Variants in SNRK observed in about 807,000 individuals in gnomAD.
SNRK encodes SNF related kinase.
SNRK carries 3 observed loss-of-function variants against 48.2 expected under a neutral mutation model. That is an observed-to-expected ratio of 0.06 (90% confidence interval 0.03 to 0.16). SNRK has a LOEUF of 0.16. SNRK is among the 10% of genes least tolerant of loss of function. The pLI, the probability that SNRK is intolerant of heterozygous loss-of-function variation, is 1.00. For missense variants in SNRK, 627 were observed against 976.0 expected, an observed-to-expected ratio of 0.64 and a Z score of 4.76; for synonymous variants, 376 against 366.1, an observed-to-expected ratio of 1.03 and a Z score of -0.31.
chr3:43,305,140 A>G (rs1226949338), intron 3 of SNRK, among the ~76,000 whole-genome samples: 2 of 152,200 alleles, frequency 1.3e-5, no homozygotes, highest in Non-Finnish European at 2.9e-5. Context: ...CTGAAGTCAG[A>G]CAAAACTAAG....
In SNRK at chr3:43,348,601, G is replaced by A. The variant is rs2091298527; in HGVS notation, c.*44G>A. On this transcript the variant is annotated 3_prime_UTR_variant, in exon 7 of 7. Coordinates refer to ENST00000296088, the MANE Select transcript of SNRK (RefSeq NM_017719.5). Reference sequence around the variant, plus strand: ...GCTAGCACGCTTCCTGCTCAGAGCAGTGAAGACCGGCTCACTTCACTGTTC... The same window carrying A: ...GCTAGCACGCTTCCTGCTCAGAGCAATGAAGACCGGCTCACTTCACTGTTC... 1 of 1,476,800 alleles carries A rather than the reference G, an allele frequency of 6.8e-7. No homozygotes were observed. The highest frequency in any genetic ancestry group is 2.6e-5 in the Admixed American group (1 of 38,270). 91.5% of individuals were successfully genotyped at this position (1,476,800 alleles called of 1,614,324 possible).
At chr3:43,340,693 T>C in intron 5 of SNRK, 194 bp downstream of exon 5, 1 of 582,604 alleles carries the variant, frequency 1.7e-6, no homozygotes, top group Admixed American at 3.0e-5. Context: ...GTTTTTATGC[T>C]AGTGAACAAG....
At chr3:43,325,327 G>A (rs1444481264) in intron 3 of SNRK, among the ~76,000 whole-genome samples, 4 of 152,098 alleles carry the variant, frequency 2.6e-5, no homozygotes, top group African/African-American at 9.7e-5. Context: ...CACCGCGCCC[G>A]GCTAATTTTT....
intron 1 of SNRK, among the ~76,000 whole-genome samples, chr3:43,296,041 ATAT>A (rs1290946172): frequency 6.6e-6 from 1 of 152,164 alleles, no homozygotes; most frequent in Middle Eastern, 3.2e-3. Flanking sequence ...CCTGGCCAAA[ATAT>A]TATTTACTTT....
rs1553636719 is a variant in SNRK at position 43,349,332 on chromosome 3, ATGTC to A, written c.*781_*784del. On this transcript the variant is annotated 3_prime_UTR_variant, in exon 7 of 7. Coordinates refer to ENST00000296088, the MANE Select transcript of SNRK (RefSeq NM_017719.5). ...TGTCTTAACTCTACTTAGAGAGTGTATGTCTGTCTAACAGAACAAAAAGATGCTC... is the reference window on the plus strand; with the variant it reads ...TGTCTTAACTCTACTTAGAGAGTGTATGTCTAACAGAACAAAAAGATGCTC... The A allele has an allele frequency of 6.5e-6, 1 of 152,684 alleles. No individual in the cohort carries two copies. Among genetic ancestry groups the A allele is most frequent in the Non-Finnish European group, 1.5e-5 (1 of 68,038 alleles). The allele number at this position is 152,684 out of a possible 1,614,324, so 9.5% of individuals were successfully genotyped here.
At chr3:43,294,452 C>T (rs189169707) in intron 1 of SNRK, among the ~76,000 whole-genome samples, 142 of 152,202 alleles carry the variant, frequency 9.3e-4, no homozygotes, top group African/African-American at 3.2e-3. Flanking sequence ...TACTGCATTT[C>T]CTCTCAAAAA....
intron 1 of SNRK, among the ~76,000 whole-genome samples, chr3:43,287,389 C>T (rs1403765061): frequency 6.6e-6 from 1 of 152,152 alleles, no homozygotes; most frequent in African/African-American, 2.4e-5. Context: ...AAGTGGCAGC[C>T]TTTTATCTTC....
intron 1 of SNRK, among the ~76,000 whole-genome samples, chr3:43,289,118 G>C (rs547628022): frequency 6.6e-6 from 1 of 152,158 alleles, no homozygotes; most frequent in Non-Finnish European, 1.5e-5. Flanking sequence ...GTAACAGTAC[G>C]AACAGATGAA....
At chr3:43,338,948 T>G (rs2091211920) in intron 4 of SNRK, among the ~76,000 whole-genome samples, 1 of 152,242 alleles carries the variant, frequency 6.6e-6, no homozygotes, top group African/African-American at 2.4e-5. Flanking sequence ...ATTTTACATC[T>G]GAAAATTTCA....
intron 4 of SNRK, among the ~76,000 whole-genome samples, chr3:43,339,165 T>C (rs1212597848): frequency 6.6e-6 from 1 of 152,252 alleles, no homozygotes; most frequent in Non-Finnish European, 1.5e-5. Flanking sequence ...CTGAAAGCAC[T>C]ATAAATTAAC....
chr3:43,296,423 T>TATATATATATGTATATATATATATTC (rs1553632592), intron 1 of SNRK, among the ~76,000 whole-genome samples: 16 of 143,638 alleles, frequency 1.1e-4, no homozygotes, highest in African/African-American at 4.2e-4. Context: ...GGCATATATA[T>TATATATATATGTATATATATATATTC]ATATATATAT....
At chr3:43,287,622 G>A (rs968487164) in intron 1 of SNRK, among the ~76,000 whole-genome samples, 1 of 152,124 alleles carries the variant, frequency 6.6e-6, no homozygotes, top group Non-Finnish European at 1.5e-5. Context: ...TTGACTTAAT[G>A]CCTTAAACAT....
intron 6 of SNRK, among the ~76,000 whole-genome samples, chr3:43,346,371 A>C (rs551070473): frequency 6.6e-6 from 1 of 152,302 alleles, no homozygotes; most frequent in South Asian, 2.1e-4. Context: ...CTATATGACT[A>C]TACCCCCCTG....
chr3:43,347,527 C>T lies in SNRK; in HGVS notation c.1268C>T (p.Ala423Val), dbSNP rs1559472589. The change falls in exon 7 of 7, where the codon GCA becomes GTA. Residue 423 changes from alanine to valine, a missense_variant. By Grantham distance (64) the Ala-to-Val change is moderately conservative (BLOSUM62 0). Transcript: ENST00000296088. This position sits in a 1 kb window ranked among gnomAD's most constrained non-coding sequence, Gnocchi z 5.4. ...KDDLPELAGP[A>V]LSTVPPASLK... ...GACCTCCCTGAGTTGGCTGGACCAG[C>T]ACTCTCTACGGTGCCACCCGCAAGC... 1 of 1,613,446 alleles carries T rather than the reference C, an allele frequency of 6.2e-7. No individual in the cohort carries two copies. The highest frequency in any genetic ancestry group is 1.7e-5 in the Admixed American group (1 of 59,894).
intron 3 of SNRK, among the ~76,000 whole-genome samples, chr3:43,318,687 C>A (rs553927966): frequency 1.3e-5 from 2 of 151,964 alleles, no homozygotes; most frequent in Admixed American, 6.5e-5. Flanking sequence ...TGCATGTTGC[C>A]GAACAGACTG....
At chr3:43,341,068 G>A (rs560348468) in intron 5 of SNRK, among the ~76,000 whole-genome samples, 1 of 152,234 alleles carries the variant, frequency 6.6e-6, no homozygotes, top group South Asian at 2.1e-4. Context: ...GCCCTTGAGA[G>A]CCCCTGCTGC....
intron 3 of SNRK, among the ~76,000 whole-genome samples, chr3:43,308,778 A>T (rs2090956837): frequency 6.6e-6 from 1 of 152,212 alleles, no homozygotes; most frequent in Non-Finnish European, 1.5e-5. Context: ...TGGATCAAGG[A>T]GTAATTTTGA....
intron 4 of SNRK, 129 bp from the exon 5 acceptor site, chr3:43,340,158 C>G: frequency 1.4e-6 from 1 of 734,922 alleles, no homozygotes; most frequent in Non-Finnish European, 2.4e-6. Context: ...TCCCATCTGC[C>G]CCACTGCCAC....
intron 3 of SNRK, among the ~76,000 whole-genome samples, chr3:43,316,379 A>T (rs2091013423): frequency 1.3e-5 from 2 of 151,368 alleles, no homozygotes; most frequent in South Asian, 2.1e-4. Context: ...CCTGGGCCCC[A>T]CCCCCAGAGA....
Sources: gnomAD v4.1 joint callset for allele counts (sites outside exome capture counted in the v4.1 genomes callset) on GRCh38, gnomAD v4.1.1 for gene constraint, Gnocchi (gnomAD v3.1) non-coding constraint, MANE v1.5 for transcripts, NCBI Gene and HGNC (gene_info 2026-07-23, HGNC 2026-07-21) for gene names.